Variants in GPC4 observed in about 807,000 individuals in gnomAD.
GPC4 encodes the protein glypican 4, also known as glypican-4.
Under a neutral mutation model 35.0 loss-of-function variants are expected in GPC4, and 10 were observed. The observed-to-expected ratio is 0.29, with a 90% CI of 0.18 to 0.48. The LOEUF (loss-of-function observed/expected upper bound fraction) is 0.48. Among genes scored for constraint, GPC4 ranks in the 20% least tolerant of loss-of-function variants. The pLI is 0.99. For synonymous variants in GPC4, 167 were observed against 170.2 expected (o/e 0.98, Z 0.15); for missense variants, 322 against 451.3 (o/e 0.71, Z 2.60).
intron 1 of GPC4, among the ~76,000 whole-genome samples, chrX:133,365,643 C>G (rs774804852): frequency 1.8e-5 from 2 of 112,088 alleles, no homozygotes; most frequent in African/African-American, 6.5e-5. Context: ...GATTTTTAAT[C>G]TGATGCTGGA....
intron 1 of GPC4, among the ~76,000 whole-genome samples, chrX:133,389,064 C>T (rs1263289974): frequency 9.3e-5 from 10 of 107,709 alleles, no homozygotes; most frequent in Admixed American, 7.1e-4. Flanking sequence ...TGAAGCCATC[C>T]TCCCACCTCA....
intron 1 of GPC4, among the ~76,000 whole-genome samples, chrX:133,359,104 G>A (rs1413705445): frequency 9.0e-6 from 1 of 111,447 alleles, no homozygotes; most frequent in Non-Finnish European, 1.9e-5. Context: ...CCAAGTAAGT[G>A]TGGATAAACA....
Position 133,307,224 on chromosome X carries a change from G to A in GPC4, c.878-1070C>T, listed in dbSNP as rs751564380. ...TTACTTGAAAGAAGAGCTAGTTCCC[G>A]GAAGATTGTGTCCTACCCAAAGAAC... is the stretch of plus-strand genomic sequence containing the variant. On this transcript the variant is annotated intron_variant, in intron 4 of 8. Transcript: ENST00000370828. Among the ~76,000 whole-genome samples, 7 of 111,645 alleles carry A rather than the reference G, an allele frequency of 6.3e-5. No individual in the cohort carries two copies. The South Asian group carries it at 2.3e-3, about 36-fold the overall frequency.
intron 7 of GPC4, among the ~76,000 whole-genome samples, chrX:133,304,137 C>CA (rs68145337): frequency 0.37 from 35,292 of 96,320 alleles, 5,962 homozygotes; most frequent in African/African-American, 0.6. Flanking sequence ...ACTAAAAATA[C>CA]AAAAAAAAAA....
intron 1 of GPC4, among the ~76,000 whole-genome samples, chrX:133,367,596 C>T (rs1374547961): frequency 3.6e-5 from 4 of 112,063 alleles, no homozygotes; most frequent in Admixed American, 9.4e-5. Flanking sequence ...GGGCTGGGTG[C>T]GGTGGCTAAT....
At chrX:133,394,965 A>C (rs755455390) in intron 1 of GPC4, among the ~76,000 whole-genome samples, 1 of 111,988 alleles carries the variant, frequency 8.9e-6, no homozygotes, top group East Asian at 2.8e-4. Context: ...AGCAACAACA[A>C]GAAAATACCT....
At position 133,324,248 on chromosome X, in the gene GPC4, A is replaced by T; in HGVS notation, c.608T>A (p.Val203Asp). The T allele has an allele frequency of 8.3e-7, 1 of 1,211,538 alleles. No individual in the cohort carries two copies. The highest frequency in any genetic ancestry group is 1.1e-6 in the Non-Finnish European group (1 of 895,424). Residue 203 changes from valine to aspartate, a missense_variant, in exon 3 of 9, where the codon GTC becomes GAC. Transcript: ENST00000370828. ...AACCTGGAGCTTCAATTTGCGAGGG[A>T]CATCTCCGAAGGGCTTCAGCTGCTC... Reference protein sequence around the residue: ...YTEQLKPFGDVPRKLKLQVTR... With the variant: ...YTEQLKPFGDDPRKLKLQVTR...
chrX:133,302,821 G>C lies in GPC4; in HGVS notation c.*46C>G, dbSNP rs1305492329. 1.8e-6 allele frequency: 2 copies of C among 1,134,277 alleles called. No individual in the cohort carries two copies. The highest frequency in any genetic ancestry group is 3.0e-5 in the East Asian group (1 of 33,330). 93.5% of individuals were successfully genotyped at this position (1,134,277 alleles called of 1,213,427 possible). On this transcript the variant is annotated 3_prime_UTR_variant, in exon 9 of 9. Transcript: ENST00000370828. ...TAGGATGGTAGAAAAGTGATAACTGGTGCCTTTTAACTTTTTGATGAACAC... is the reference window on the plus strand; with the variant it reads ...TAGGATGGTAGAAAAGTGATAACTGCTGCCTTTTAACTTTTTGATGAACAC...
chrX:133,323,519 A>G (rs1164021823), intron 3 of GPC4, among the ~76,000 whole-genome samples: 2 of 112,204 alleles, frequency 1.8e-5, no homozygotes, highest in African/African-American at 6.5e-5. Flanking sequence ...ATCTAGTCCA[A>G]TTCGCTGAAT....
chrX:133,301,649 T>C lies in GPC4; in HGVS notation c.*1218A>G, dbSNP rs1429109161. 1 of 112,518 alleles carries C rather than the reference T, an allele frequency of 8.9e-6. No individual in the cohort carries two copies. Among genetic ancestry groups the C allele is most frequent in the African/African-American group, 3.2e-5 (1 of 30,996 alleles). 9.3% of individuals were successfully genotyped at this position (112,518 alleles called of 1,213,427 possible). ...GCTCCTTGGCTGATATCTTGGATCG[T>C]AGCACATTGCTGTGAACCATGGCAA... On this transcript the variant is annotated 3_prime_UTR_variant, in exon 9 of 9. Coordinates refer to ENST00000370828, the MANE Select transcript of GPC4 (RefSeq NM_001448.3).
intron 2 of GPC4, 53 bp from the exon 3 acceptor site, chrX:133,324,589 G>T: frequency 9.8e-7 from 1 of 1,017,890 alleles, no homozygotes; most frequent in Non-Finnish European, 1.3e-6. Context: ...AGAGTTTTCA[G>T]TGTTTAAATA....
At chrX:133,312,486 G>A (rs5975394) in intron 3 of GPC4, among the ~76,000 whole-genome samples, 3,412 of 109,154 alleles carry the variant, frequency 0.031, 154 homozygotes, top group African/African-American at 0.11. Flanking sequence ...AAAATTAGCC[G>A]GGCATGGTGG....
chrX:133,336,770 A>G (rs919061524), intron 2 of GPC4, among the ~76,000 whole-genome samples: 1 of 110,434 alleles, frequency 9.1e-6, no homozygotes, highest in African/African-American at 3.3e-5. Flanking sequence ...CCTTGTATCT[A>G]TGTTCCCTAA....
rs748291098 is a variant in GPC4, at chrX:133,327,516, C to T, written c.320-2980G>A. The stretch of plus-strand genomic sequence containing the variant: ...GATGCAGCCATATATAACATAGCTA[C>T]TTTGGAGTACAAGAGAAATGGCCTA... On this transcript the variant is annotated intron_variant, in intron 2 of 8. Coordinates refer to ENST00000370828, the MANE Select transcript of GPC4 (RefSeq NM_001448.3). Among the ~76,000 whole-genome samples, 3 of 110,548 alleles carry T rather than the reference C, an allele frequency of 2.7e-5. No individual in the cohort carries two copies. In the South Asian group the frequency reaches 1.2e-3, roughly 43 times the overall value.
chrX:133,322,115 G>A (rs2266797), intron 3 of GPC4, among the ~76,000 whole-genome samples: 40,931 of 110,333 alleles, frequency 0.37, 6,437 homozygotes, highest in African/African-American at 0.6. Flanking sequence ...CGTGTATCCT[G>A]GCCAGTCCAC....
intron 1 of GPC4, among the ~76,000 whole-genome samples, chrX:133,356,748 AC>A (rs2068543249): frequency 9.0e-6 from 1 of 111,441 alleles, no homozygotes; most frequent in South Asian, 3.8e-4. Flanking sequence ...TTTATAAATT[AC>A]CCAGCCTCAG....
chrX:133,328,801 C>T (rs7877996), intron 2 of GPC4, among the ~76,000 whole-genome samples: 40,950 of 110,137 alleles, frequency 0.37, 6,436 homozygotes, highest in African/African-American at 0.6. Context: ...GATTCCACAA[C>T]GATCAAAAGC....
intron 2 of GPC4, among the ~76,000 whole-genome samples, chrX:133,336,351 A>G (rs949341575): frequency 3.6e-5 from 4 of 111,146 alleles, no homozygotes; most frequent in African/African-American, 9.8e-5. Context: ...CCTGGCCAAC[A>G]TGGTGAAACC....
At chrX:133,372,493 T>A (rs965524598) in intron 1 of GPC4, among the ~76,000 whole-genome samples, 1 of 110,910 alleles carries the variant, frequency 9.0e-6, no homozygotes, top group Non-Finnish European at 1.9e-5. Context: ...GAAAGGTCCA[T>A]CTGCCTTGAT....
Sources: gnomAD v4.1 joint callset for allele counts (sites outside exome capture counted in the v4.1 genomes callset) on GRCh38, gnomAD v4.1.1 for gene constraint, MANE v1.5 for transcripts, NCBI Gene and HGNC (gene_info 2026-07-23, HGNC 2026-07-21) for gene names.